Variants in RANBP2 observed in about 807,000 individuals in gnomAD.
The protein encoded by RANBP2 is E3 SUMO-protein ligase RanBP2.
In RANBP2, 57 loss-of-function variants were observed where a neutral mutation model predicts 303.6. That is an observed-to-expected ratio of 0.19 (90% CI 0.15 to 0.23). The LOEUF is 0.23. Ranked by LOEUF, RANBP2 falls within the 10% of genes least tolerant of loss-of-function variation. RANBP2 has a pLI of 1.00. For missense variants in RANBP2, 3,138 were observed against 3,780.8 expected (o/e 0.83, Z 4.46); for synonymous variants, 1,167 against 1,301.5 (o/e 0.90, Z 2.23).
At chr2:109,009,702 C>A in the RANBP2 span, among the ~76,000 whole-genome samples, 1 of 123,100 alleles carries the variant, frequency 8.1e-6, no homozygotes, top group Non-Finnish European at 1.7e-5. Context: ...ACATTTTTAC[C>A]TTTTTTTTGT....
At chr2:109,010,955 C>A in the RANBP2 span, among the ~76,000 whole-genome samples, 2 of 152,092 alleles carry the variant, frequency 1.3e-5, no homozygotes. Context: ...TTCCCTGCAC[C>A]CACCTTTCCA....
the RANBP2 span, among the ~76,000 whole-genome samples, chr2:109,149,314 T>G: frequency 1.3e-5 from 2 of 152,242 alleles, no homozygotes; most frequent in African/African-American, 4.8e-5. Context: ...CTGAGAAGTC[T>G]CTTTGGCTTG....
chr2:109,336,189 C>T, the RANBP2 span, among the ~76,000 whole-genome samples: 2 of 152,204 alleles, frequency 1.3e-5, no homozygotes, highest in Non-Finnish European at 2.9e-5. Flanking sequence ...AAAATCACCA[C>T]GTGCCTAGAA....
At chr2:108,742,365 G>A (rs1212111388) in intron 7 of RANBP2, among the ~76,000 whole-genome samples, 4 of 151,864 alleles carry the variant, frequency 2.6e-5, no homozygotes, top group Admixed American at 1.3e-4. Flanking sequence ...GTGCAGTGGC[G>A]CAATCTCAGC....
the RANBP2 span, among the ~76,000 whole-genome samples, chr2:108,889,995 A>C: frequency 6.6e-6 from 1 of 152,184 alleles, no homozygotes; most frequent in Non-Finnish European, 1.5e-5. Context: ...TTCCAGGCTT[A>C]AAATTCCCTT....
the RANBP2 span, among the ~76,000 whole-genome samples, chr2:109,283,405 C>T: frequency 6.6e-6 from 1 of 152,162 alleles, no homozygotes. Context: ...TTTTGGTGGC[C>T]AGTATTGAGC....
chr2:109,743,993 T>G, the RANBP2 span, among the ~76,000 whole-genome samples: 1 of 100,130 alleles, frequency 1.0e-5, no homozygotes, highest in African/African-American at 2.8e-5. Context: ...CCATGGTATA[T>G]CTGTACCATG....
At chr2:108,856,358 G>A in the RANBP2 span, among the ~76,000 whole-genome samples, 3 of 152,212 alleles carry the variant, frequency 2.0e-5, no homozygotes, top group East Asian at 3.9e-4. Context: ...CATTTAGCAC[G>A]TTTGTATAAA....
At chr2:109,050,857 C>A in the RANBP2 span, among the ~76,000 whole-genome samples, 1 of 152,060 alleles carries the variant, frequency 6.6e-6, no homozygotes, top group South Asian at 2.1e-4. Flanking sequence ...AAGGGGACCA[C>A]GTATAGTGTA....
chr2:109,118,276 C>T, the RANBP2 span, among the ~76,000 whole-genome samples: 1 of 152,052 alleles, frequency 6.6e-6, no homozygotes, highest in African/African-American at 2.4e-5. Flanking sequence ...ACTCTGACAT[C>T]CTGTGACAAA....
chr2:108,861,848 C>T, the RANBP2 span, among the ~76,000 whole-genome samples: 30 of 152,214 alleles, frequency 2.0e-4, no homozygotes, highest in East Asian at 5.6e-3. Flanking sequence ...AAACTTTCTT[C>T]TTAGCACTGT....
chr2:109,133,343 C>G, the RANBP2 span, among the ~76,000 whole-genome samples: 1 of 152,176 alleles, frequency 6.6e-6, no homozygotes, highest in African/African-American at 2.4e-5. Flanking sequence ...TCTTCTGTGT[C>G]TCTTTGACAA....
the RANBP2 span, among the ~76,000 whole-genome samples, chr2:109,015,069 G>A: frequency 1.5e-5 from 2 of 131,522 alleles, no homozygotes; most frequent in East Asian, 2.3e-4. Flanking sequence ...GCAGTAAGCC[G>A]AGATCACGCC....
At chr2:109,552,140 G>A in the RANBP2 span, among the ~76,000 whole-genome samples, 1 of 152,192 alleles carries the variant, frequency 6.6e-6, no homozygotes, top group Non-Finnish European at 1.5e-5. Flanking sequence ...TGCGCTCCTT[G>A]TGAGAATCTA....
the RANBP2 span, chr2:109,564,317 A>G: frequency 3.5e-6 from 5 of 1,438,362 alleles, no homozygotes; most frequent in South Asian, 3.5e-5. Flanking sequence ...AAAATATGCA[A>G]TCCTCTCTAA....
At chr2:109,574,319 G>A in the RANBP2 span, among the ~76,000 whole-genome samples, 1 of 151,440 alleles carries the variant, frequency 6.6e-6, no homozygotes. Flanking sequence ...GGTAGTACAT[G>A]CCTATAGTCC....
At chr2:108,835,148 T>C in the RANBP2 span, among the ~76,000 whole-genome samples, 3 of 152,254 alleles carry the variant, frequency 2.0e-5, no homozygotes, top group Non-Finnish European at 1.5e-5. Flanking sequence ...AAAGGAAGTT[T>C]ATGCAGCTTA....
the RANBP2 span, among the ~76,000 whole-genome samples, chr2:109,273,046 G>A: frequency 1.3e-5 from 2 of 152,208 alleles, no homozygotes; most frequent in Non-Finnish European, 2.9e-5. Context: ...ACCAGTGGGA[G>A]AAAGACCAGT....
the RANBP2 span, among the ~76,000 whole-genome samples, chr2:109,676,897 C>A: frequency 2.0e-5 from 3 of 152,126 alleles, no homozygotes; most frequent in African/African-American, 7.2e-5. Flanking sequence ...AGATACGGCA[C>A]CACTTTTGAA....
Sources: allele counts gnomAD v4.1 joint callset (sites outside exome capture counted in the v4.1 genomes callset), GRCh38; gene constraint gnomAD v4.1.1; transcripts MANE v1.5; gene names NCBI Gene and HGNC (gene_info 2026-07-23, HGNC 2026-07-21).